Variants in MAPRE1 observed in about 807,000 individuals in gnomAD.
MAPRE1 encodes the protein microtubule associated protein RP/EB family member 1.
Under a neutral mutation model 32.1 loss-of-function variants are expected in MAPRE1, and 5 were observed. The observed-to-expected ratio is 0.16, with a 90% CI of 0.08 to 0.33. The LOEUF (loss-of-function observed/expected upper bound fraction) is 0.33. MAPRE1 is among the 10% of genes least tolerant of loss of function. The pLI is 1.00. For synonymous variants in MAPRE1, 122 were observed against 118.9 expected (o/e 1.03, Z -0.17); for missense variants, 209 against 327.2 (o/e 0.64, Z 2.79).
At position 32,834,920 on chromosome 20, in the gene MAPRE1, T is replaced by C. The variant is rs553679075; in HGVS notation, c.267+1058T>C. Reference sequence around the variant, plus strand: ...CTATCCTATCCTATGTATTCTGGGTTATTGAAGTGAGTACAGAGGTAATAT... The same window carrying C: ...CTATCCTATCCTATGTATTCTGGGTCATTGAAGTGAGTACAGAGGTAATAT... On this transcript the variant is annotated intron_variant, in intron 3 of 6. Coordinates refer to ENST00000375571, the MANE Select transcript of MAPRE1 (RefSeq NM_012325.3). Among the ~76,000 whole-genome samples, 13 of 152,338 alleles carry C rather than the reference T, an allele frequency of 8.5e-5. No individual in the cohort carries two copies. In the South Asian group the frequency reaches 2.7e-3, roughly 32 times the overall value.
At chr20:32,847,537 T>C (rs1249606046) in intron 6 of MAPRE1, among the ~76,000 whole-genome samples, 1 of 152,218 alleles carries the variant, frequency 6.6e-6, no homozygotes, top group African/African-American at 2.4e-5. Context: ...ATCTTGTGAA[T>C]TTCAGGGGAT....
chr20:32,844,411 A>G (rs1333845271), intron 5 of MAPRE1, among the ~76,000 whole-genome samples: 1 of 143,842 alleles, frequency 7.0e-6, no homozygotes, highest in African/African-American at 2.6e-5. Flanking sequence ...GAAACTAGTG[A>G]AACTAGGTGG....
rs537073299 is a variant in MAPRE1, at chr20:32,846,789, G to A, written c.750+19G>A. The A allele has an allele frequency of 1.9e-6, 3 of 1,612,778 alleles. No homozygotes were observed. Among genetic ancestry groups the A allele is most frequent in the South Asian group, 1.1e-5 (1 of 91,058 alleles). On this transcript the variant is annotated intron_variant, in intron 6 of 6. Coordinates refer to ENST00000375571, the MANE Select transcript of MAPRE1 (RefSeq NM_012325.3). The stretch of plus-strand genomic sequence containing the variant: ...CACAGATGTATGTGTTTGACATGAG[G>A]ATATTTTCTTTCCATTTTACATAGA...
intron 1 of MAPRE1, among the ~76,000 whole-genome samples, chr20:32,823,331 GC>G (rs1370555355): frequency 2.6e-5 from 4 of 152,204 alleles, no homozygotes; most frequent in Admixed American, 6.5e-5. Flanking sequence ...AGAGCAAGGG[GC>G]TGGGATCTCA....
chr20:32,824,279 A>G (rs1022799543), intron 1 of MAPRE1, among the ~76,000 whole-genome samples: 3 of 152,242 alleles, frequency 2.0e-5, no homozygotes, highest in African/African-American at 7.2e-5. Flanking sequence ...GGTTGACTAC[A>G]CTGGTGCTCA....
intron 1 of MAPRE1, 33 bp downstream of exon 1, chr20:32,820,061 TG>T (rs1022791371): frequency 2.8e-5 from 4 of 141,492 alleles, no homozygotes; most frequent in East Asian, 2.1e-4. Context: ...GGGGTGCGGC[TG>T]GGGGGGCGGC....
At chr20:32,846,162 C>T (rs1370709885) in intron 5 of MAPRE1, among the ~76,000 whole-genome samples, 1 of 152,150 alleles carries the variant, frequency 6.6e-6, no homozygotes, top group Non-Finnish European at 1.5e-5. Flanking sequence ...CAGTGGGGCT[C>T]ATGGAGGGTC....
intron 4 of MAPRE1, among the ~76,000 whole-genome samples, chr20:32,838,565 A>T (rs899272930): frequency 6.6e-6 from 1 of 152,116 alleles, no homozygotes; most frequent in African/African-American, 2.4e-5. Flanking sequence ...TCTGTATTTA[A>T]CCTTTTGCAG....
At chr20:32,820,739 G>A (rs1381991291) in intron 1 of MAPRE1, among the ~76,000 whole-genome samples, 1 of 152,156 alleles carries the variant, frequency 6.6e-6, no homozygotes, top group African/African-American at 2.4e-5. Flanking sequence ...TAACGGGATG[G>A]TATCAACAGT....
At chr20:32,821,213 CGCCATGTTG>C (rs891050512) in intron 1 of MAPRE1, among the ~76,000 whole-genome samples, 6 of 152,192 alleles carry the variant, frequency 3.9e-5, no homozygotes, top group African/African-American at 1.4e-4. Flanking sequence ...GACGAGGTTT[CGCCATGTTG>C]GCCAGGCTGT....
chr20:32,822,873 G>A (rs1982740310), intron 1 of MAPRE1, among the ~76,000 whole-genome samples: 1 of 152,196 alleles, frequency 6.6e-6, no homozygotes, highest in Admixed American at 6.5e-5. Flanking sequence ...TATCATAAAG[G>A]TTTGAATGAA....
intron 2 of MAPRE1, among the ~76,000 whole-genome samples, chr20:32,831,309 T>C (rs1983016031): frequency 6.6e-6 from 1 of 152,112 alleles, no homozygotes; most frequent in Non-Finnish European, 1.5e-5. Flanking sequence ...AAGAGAATCA[T>C]ACTCGCATAA....
intron 1 of MAPRE1, among the ~76,000 whole-genome samples, chr20:32,821,134 GC>G (rs765938811): frequency 1.3e-5 from 2 of 151,628 alleles, no homozygotes; most frequent in Non-Finnish European, 1.5e-5. Flanking sequence ...TCGTGCCTCA[GC>G]CTCCCGAGTA....
At chr20:32,848,445 A>G (rs552946863) in intron 6 of MAPRE1, among the ~76,000 whole-genome samples, 2 of 152,366 alleles carry the variant, frequency 1.3e-5, no homozygotes, top group Admixed American at 6.5e-5. Flanking sequence ...AATGAAGACA[A>G]TGTAAATATG....
At chr20:32,840,603 G>A (rs1471320361) in intron 5 of MAPRE1, among the ~76,000 whole-genome samples, 1 of 152,028 alleles carries the variant, frequency 6.6e-6, no homozygotes, top group East Asian at 1.9e-4. Flanking sequence ...GGAGTTACAG[G>A]TGTGAGTCAC....
intron 1 of MAPRE1, among the ~76,000 whole-genome samples, chr20:32,824,246 T>C (rs1357865842): frequency 6.6e-6 from 1 of 152,252 alleles, no homozygotes; most frequent in Non-Finnish European, 1.5e-5. Flanking sequence ...GTAGAGCTAG[T>C]AAACATTTGT....
At chr20:32,833,221 A>G (rs1314273022) in intron 2 of MAPRE1, among the ~76,000 whole-genome samples, 2 of 152,068 alleles carry the variant, frequency 1.3e-5, no homozygotes, top group African/African-American at 2.4e-5. Flanking sequence ...AAAAGAAATG[A>G]TAGGTTAAAT....
chr20:32,827,034 A>G (rs1982873215), intron 2 of MAPRE1, among the ~76,000 whole-genome samples: 1 of 152,234 alleles, frequency 6.6e-6, no homozygotes, highest in Admixed American at 6.5e-5. Context: ...CCCAAGAAGT[A>G]CAAGATCAAA....
rs1189306219 is a variant in MAPRE1 at position 32,833,874 on chromosome 20, TTA to T, written c.267+14_267+15del. 1.2e-6 allele frequency: 2 copies of T among 1,609,468 alleles called. No individual in the cohort carries two copies. The highest frequency in any genetic ancestry group is 1.7e-6 in the Non-Finnish European group (2 of 1,176,728). On this transcript the variant is annotated intron_variant, in intron 3 of 6. Transcript: ENST00000375571. Reference sequence around the variant, plus strand: ...TGGGTGTTGACAAAGTAAGTAAACGTTATCTTTTATTGTGGTTAATGTTCCTT... The same window carrying T: ...TGGGTGTTGACAAAGTAAGTAAACGTTCTTTTATTGTGGTTAATGTTCCTT...
Sources: gnomAD v4.1 joint callset for allele counts (sites outside exome capture counted in the v4.1 genomes callset) on GRCh38, gnomAD v4.1.1 for gene constraint, MANE v1.5 for transcripts, NCBI Gene and HGNC (gene_info 2026-07-23, HGNC 2026-07-21) for gene names.